The following CNTN1 variants were observed in gnomAD, a reference collection of about 807,000 sequenced individuals.
The protein encoded by CNTN1 is contactin-1.
In CNTN1, 38 loss-of-function variants were observed where a neutral mutation model predicts 126.4. The ratio of observed to expected loss-of-function variants is 0.30; its 90% CI spans 0.23 to 0.39. CNTN1 has a LOEUF of 0.39. CNTN1 is among the 10% of genes least tolerant of loss of function. The pLI is 1.00. For synonymous variants in CNTN1, 413 were observed against 422.6 expected, an observed-to-expected ratio of 0.98 and a Z score of 0.28; for missense variants, 1,009 against 1,248.4, an observed-to-expected ratio of 0.81 and a Z score of 2.89.
In CNTN1 at chr12:40,910,119, A is replaced by G; in HGVS notation, c.94+14A>G. On this transcript the variant is annotated intron_variant, in intron 3 of 23. Coordinates refer to ENST00000551295, the MANE Select transcript of CNTN1 (RefSeq NM_001843.4). ...ATGGTCATGGAGGTAAGTTGACCAAAGAGTAGACCTTGTAAACATCTTTTC... is the reference window on the plus strand; with the variant it reads ...ATGGTCATGGAGGTAAGTTGACCAAGGAGTAGACCTTGTAAACATCTTTTC... 1 of 1,588,878 alleles carries G rather than the reference A, an allele frequency of 6.3e-7. No individual in the cohort carries two copies.
In CNTN1 at chr12:41,025,138, G is replaced by C; in HGVS notation, c.2524-12G>C. The C allele has an allele frequency of 6.2e-7, 1 of 1,613,438 alleles. No homozygotes were observed. The highest frequency in any genetic ancestry group is 8.5e-7 in the Non-Finnish European group (1 of 1,179,708). On this transcript the variant is annotated splice_polypyrimidine_tract_variant and intron_variant, in intron 20 of 23. Coordinates refer to ENST00000551295, the MANE Select transcript of CNTN1 (RefSeq NM_001843.4). ...ATCATGGCAAAATATAACTCATCCT[G>C]AATGTTTGCAGATTCGGTATTGGGC...
chr12:40,914,320 C>T (rs1483775859), intron 3 of CNTN1, among the ~76,000 whole-genome samples: 4 of 152,082 alleles, frequency 2.6e-5, no homozygotes, highest in African/African-American at 4.8e-5. Flanking sequence ...GTTGAGCTAG[C>T]GTGGTCGGAA....
intron 1 of CNTN1, among the ~76,000 whole-genome samples, chr12:40,847,058 G>A (rs2136603863): frequency 6.6e-6 from 1 of 152,168 alleles, no homozygotes; most frequent in African/African-American, 2.4e-5. Flanking sequence ...AGTAGAGACG[G>A]GGTTTCCCTA....
intron 1 of CNTN1, among the ~76,000 whole-genome samples, chr12:40,747,592 A>C (rs1938235984): frequency 1.3e-5 from 2 of 152,020 alleles, no homozygotes; most frequent in Admixed American, 1.3e-4. Context: ...CTGTTACCTA[A>C]TACTATTTGC....
chr12:40,922,243 C>G lies in CNTN1; in HGVS notation c.228-13C>G. On this transcript the variant is annotated splice_polypyrimidine_tract_variant and intron_variant, in intron 4 of 23. Transcript: ENST00000551295. ...ATGACCTGTGATATGACCTTTGTGT[C>G]TTTTTCTCATAGATGGAGAATGAAT... 6.2e-7 allele frequency: 1 copy of G among 1,613,012 alleles called. No individual in the cohort carries two copies. Among genetic ancestry groups the G allele is most frequent in the Non-Finnish European group, 8.5e-7 (1 of 1,179,174 alleles).
At chr12:40,704,792 C>G (rs990513240) in intron 1 of CNTN1, among the ~76,000 whole-genome samples, 2 of 152,210 alleles carry the variant, frequency 1.3e-5, no homozygotes, top group East Asian at 3.9e-4. Context: ...ATGCTATTCC[C>G]TGGAACTTCT....
chr12:41,036,675 C>T (rs1230498307), intron 23 of CNTN1, among the ~76,000 whole-genome samples: 1 of 152,028 alleles, frequency 6.6e-6, no homozygotes, highest in Non-Finnish European at 1.5e-5. Flanking sequence ...ATAGTGTAGC[C>T]ATTATATTTA....
intron 16 of CNTN1, among the ~76,000 whole-genome samples, chr12:40,989,717 A>G (rs545209536): frequency 6.6e-6 from 1 of 152,264 alleles, no homozygotes; most frequent in South Asian, 2.1e-4. Flanking sequence ...TCTATTTGTA[A>G]AACATCATGC....
intron 23 of CNTN1, among the ~76,000 whole-genome samples, chr12:41,049,203 C>T (rs1261374756): frequency 2.0e-5 from 3 of 152,170 alleles, no homozygotes; most frequent in East Asian, 1.9e-4. Context: ...GGACTCAGTA[C>T]GTCAGTAATT....
At chr12:40,745,673 G>C (rs1698032675) in intron 1 of CNTN1, among the ~76,000 whole-genome samples, 1 of 152,146 alleles carries the variant, frequency 6.6e-6, no homozygotes. Context: ...TTCTCTCCTG[G>C]ATCAGGGAAA....
chr12:40,976,166 A>G (rs1279426626), intron 15 of CNTN1, among the ~76,000 whole-genome samples: 3 of 152,202 alleles, frequency 2.0e-5, no homozygotes, highest in Admixed American at 6.5e-5. Context: ...AAAAATGGAT[A>G]AAAAGACTTT....
At chr12:40,888,170 TAATA>T (rs1318925249) in intron 1 of CNTN1, among the ~76,000 whole-genome samples, 1 of 151,942 alleles carries the variant, frequency 6.6e-6, no homozygotes, top group African/African-American at 2.4e-5. Context: ...ATAATAATAA[TAATA>T]AAGAGTCTTT....
rs1306392382 is a variant in CNTN1, at chr12:40,850,739, T to C, written c.-76-57618T>C. Among the ~76,000 whole-genome samples, 5 of 152,138 alleles carry C rather than the reference T, an allele frequency of 3.3e-5. No homozygotes were observed. In the East Asian group the frequency reaches 7.7e-4, roughly 23 times the overall value. Reference sequence around the variant, plus strand: ...TATGAGATTATGGTTGGTGTAGATTTGTACCAAGTGATCTGAGGGGTTTCT... The same window carrying C: ...TATGAGATTATGGTTGGTGTAGATTCGTACCAAGTGATCTGAGGGGTTTCT... On this transcript the variant is annotated intron_variant, in intron 1 of 23. Coordinates refer to ENST00000551295, the MANE Select transcript of CNTN1 (RefSeq NM_001843.4).
At chr12:40,704,454 T>G (rs559237929) in intron 1 of CNTN1, among the ~76,000 whole-genome samples, 6 of 152,278 alleles carry the variant, frequency 3.9e-5, no homozygotes, top group Admixed American at 2.0e-4. Context: ...GAAAAGATAA[T>G]TAAACATAGA....
intron 23 of CNTN1, among the ~76,000 whole-genome samples, chr12:41,051,978 AGT>A (rs1949698228): frequency 6.6e-6 from 1 of 151,528 alleles, no homozygotes; most frequent in South Asian, 2.1e-4. Context: ...CTCTGTGAGC[AGT>A]GTAGATATTA....
intron 14 of CNTN1, among the ~76,000 whole-genome samples, chr12:40,953,970 T>C (rs1946775522): frequency 6.6e-6 from 1 of 152,116 alleles, no homozygotes. Flanking sequence ...TTATATTACT[T>C]TCTGCCCTCA....
At chr12:40,891,786 AG>A (rs1944247746) in intron 1 of CNTN1, among the ~76,000 whole-genome samples, 1 of 152,002 alleles carries the variant, frequency 6.6e-6, no homozygotes, top group Admixed American at 6.6e-5. Context: ...TGGTGACCAT[AG>A]CTTTATAGTC....
chr12:40,848,722 C>A (rs532726831), intron 1 of CNTN1, among the ~76,000 whole-genome samples: 1 of 150,976 alleles, frequency 6.6e-6, no homozygotes, highest in South Asian at 2.1e-4. Flanking sequence ...GGTACTTGGT[C>A]TTTAGGTCTT....
At chr12:41,048,704 G>T (rs755641224) in intron 23 of CNTN1, among the ~76,000 whole-genome samples, 20 of 150,894 alleles carry the variant, frequency 1.3e-4, no homozygotes, top group Non-Finnish European at 2.2e-4. Flanking sequence ...AGCAACAATT[G>T]AAAGAAAGAA....
Sources: allele counts gnomAD v4.1 joint callset (sites outside exome capture counted in the v4.1 genomes callset), GRCh38; gene constraint gnomAD v4.1.1; transcripts MANE v1.5; gene names NCBI Gene and HGNC (gene_info 2026-07-23, HGNC 2026-07-21).